WDFY3: variants seen among roughly 807,000 people sequenced by gnomAD.
WDFY3 encodes WD repeat and FYVE domain containing 3.
Under a neutral mutation model 409.6 loss-of-function variants are expected in WDFY3, and 66 were observed. The observed-to-expected ratio is 0.16, with a 90% confidence interval of 0.13 to 0.20. The LOEUF (loss-of-function observed/expected upper bound fraction) is 0.20, where lower values mean the gene tolerates loss of function less well. Among genes scored for constraint, WDFY3 ranks in the 10% least tolerant of loss-of-function variants. The probability of loss-of-function intolerance (pLI) is 1.00; values close to 1 mark genes in which losing one functional copy is unlikely to be tolerated. For missense variants in WDFY3, 3,031 were observed against 4,298.1 expected (o/e 0.71, Z 8.24); for synonymous variants, 1,521 against 1,537.1 (o/e 0.99, Z 0.25).
chr4:84,907,765 A>G (rs1299644502), intron 2 of WDFY3, among the ~76,000 whole-genome samples: 1 of 152,172 alleles, frequency 6.6e-6, no homozygotes, highest in Non-Finnish European at 1.5e-5. Flanking sequence ...ACCAGGCCCT[A>G]CAGACACAGG....
At chr4:84,909,029 T>C (rs1052320430) in intron 2 of WDFY3, among the ~76,000 whole-genome samples, 8 of 149,822 alleles carry the variant, frequency 5.3e-5, no homozygotes, top group Admixed American at 2.7e-4. Context: ...CACGTATCCA[T>C]ACACACACAC....
intron 25 of WDFY3, among the ~76,000 whole-genome samples, chr4:84,781,394 T>G (rs1288295222): frequency 6.8e-6 from 1 of 146,168 alleles, no homozygotes; most frequent in African/African-American, 2.5e-5. Flanking sequence ...TCCCTTTTGT[T>G]TTTTTTTTTT....
chr4:84,673,665 A>G (rs1209419108), intron 67 of WDFY3, among the ~76,000 whole-genome samples: 1 of 152,152 alleles, frequency 6.6e-6, no homozygotes, highest in Non-Finnish European at 1.5e-5. Flanking sequence ...GAGATGTTCA[A>G]ATTCTTTAAG....
intron 6 of WDFY3, among the ~76,000 whole-genome samples, chr4:84,839,934 G>T (rs1302863300): frequency 6.6e-6 from 1 of 152,058 alleles, no homozygotes; most frequent in Non-Finnish European, 1.5e-5. Flanking sequence ...TCATTCCGAG[G>T]ACAAAATTCT....
rs184736888 is a variant in WDFY3, at chr4:84,950,544, C to A, written c.-226+15665G>T. ...AGGTGGCTCACACCTGTAATCTCAG[C>A]ACTTTGGGAGGCCAAGGCGGGTGGA... On this transcript the variant is annotated intron_variant, in intron 1 of 67. Transcript: ENST00000295888. 5.6e-3 allele frequency among the ~76,000 whole-genome samples: 847 copies of A among 152,210 alleles called. 10 individuals are homozygous for A. Among genetic ancestry groups the A allele is most frequent in the African/African-American group, 0.019 (797 of 41,534 alleles).
intron 56 of WDFY3, among the ~76,000 whole-genome samples, chr4:84,699,860 G>C (rs555292119): frequency 6.6e-6 from 1 of 151,338 alleles, no homozygotes; most frequent in Non-Finnish European, 1.5e-5. Context: ...TAACTTATTT[G>C]GGAAATTGTC....
In WDFY3 at chr4:84,809,880, G is replaced by C; in HGVS notation, c.2345+7C>G. The C allele has an allele frequency of 6.2e-7, 1 of 1,613,050 alleles. No individual in the cohort carries two copies. Among genetic ancestry groups the C allele is most frequent in the Non-Finnish European group, 8.5e-7 (1 of 1,179,362 alleles). On this transcript the variant is annotated splice_region_variant and intron_variant, in intron 14 of 67. Coordinates refer to ENST00000295888, the MANE Select transcript of WDFY3 (RefSeq NM_014991.6). ...CCTTTAATTCAGAGGACAGAGCAGA[G>C]CCATACCTGTCAAAAGAATCTGTGG...
At chr4:84,942,243 T>C (rs1337001905) in intron 1 of WDFY3, among the ~76,000 whole-genome samples, 3 of 152,030 alleles carry the variant, frequency 2.0e-5, no homozygotes, top group Non-Finnish European at 4.4e-5. Context: ...AACACAGTGT[T>C]ATAAAAATGA....
At position 84,774,927 on chromosome 4, in the gene WDFY3, C is replaced by T. The variant is rs748234317; in HGVS notation, c.4647G>A (p.Leu1549=). Residue 1549 remains leucine, a synonymous_variant, in exon 29 of 68, where the codon CTG becomes CTA. Transcript: ENST00000295888. The part of the protein sequence containing the change: ...LMREFQLIPK[L]LLTLRDMSLS... The stretch of plus-strand genomic sequence containing the variant: ...AAGACATATCTCGAAGAGTCAGGAG[C>T]AGCTTTGGGATTAACTGGAATTCTC... 6 of 1,613,978 alleles carry T rather than the reference C, an allele frequency of 3.7e-6. No homozygotes were observed. Among genetic ancestry groups the T allele is most frequent in the Non-Finnish European group, 4.2e-6 (5 of 1,179,920 alleles).
At chr4:84,679,806 C>T (rs1192316704) in intron 64 of WDFY3, among the ~76,000 whole-genome samples, 2 of 149,766 alleles carry the variant, frequency 1.3e-5, no homozygotes, top group East Asian at 2.0e-4. Flanking sequence ...TAAATGATTA[C>T]TTTTGGATAT....
At position 84,772,818 on chromosome 4, in the gene WDFY3, C is replaced by T. The variant is rs775966205; in HGVS notation, c.4849+17G>A. 2 of 1,598,758 alleles carry T rather than the reference C, an allele frequency of 1.3e-6. No individual in the cohort carries two copies. Among genetic ancestry groups the T allele is most frequent in the East Asian group, 2.3e-5 (1 of 44,368 alleles). On this transcript the variant is annotated intron_variant, in intron 30 of 67. Coordinates refer to ENST00000295888, the MANE Select transcript of WDFY3 (RefSeq NM_014991.6). ...TTAGTTGACCACTATCTTCTCCAAG[C>T]TCCAGAATCAACTTACCAGTGTCAA...
chr4:84,885,814 G>C (rs1406677162), intron 3 of WDFY3, among the ~76,000 whole-genome samples: 1 of 152,150 alleles, frequency 6.6e-6, no homozygotes, highest in Admixed American at 6.6e-5. Flanking sequence ...GTGAGAAAAT[G>C]AACTGGATCT....
intron 3 of WDFY3, among the ~76,000 whole-genome samples, chr4:84,862,881 CT>C (rs1760852811): frequency 6.6e-6 from 1 of 152,172 alleles, no homozygotes; most frequent in Non-Finnish European, 1.5e-5. Context: ...TCTCCAGCCC[CT>C]GGCACCCACC....
intron 56 of WDFY3, 65 bp downstream of exon 56, chr4:84,702,288 G>A: frequency 6.8e-7 from 1 of 1,466,588 alleles, no homozygotes; most frequent in East Asian, 2.4e-5. Context: ...CTTCAGAGAA[G>A]TGACTTATTT....
intron 30 of WDFY3, among the ~76,000 whole-genome samples, chr4:84,768,097 A>AAAAAG (rs1229983770): frequency 6.6e-6 from 1 of 152,198 alleles, no homozygotes; most frequent in Non-Finnish European, 1.5e-5. Flanking sequence ...ACAAATAGAC[A>AAAAAG]AAAAGAAAAA....
At chr4:84,876,800 T>G (rs778588902) in intron 3 of WDFY3, among the ~76,000 whole-genome samples, 1 of 151,316 alleles carries the variant, frequency 6.6e-6, no homozygotes, top group African/African-American at 2.4e-5. Flanking sequence ...AAAACTTACA[T>G]ATTACAACAT....
chr4:84,700,939 G>A (rs781299736), intron 56 of WDFY3, among the ~76,000 whole-genome samples: 24 of 152,106 alleles, frequency 1.6e-4, no homozygotes, highest in Non-Finnish European at 3.2e-4. Context: ...GGGAAACCCC[G>A]TCTCTACTAA....
chr4:84,744,586 G>A (rs1029458935), intron 36 of WDFY3, among the ~76,000 whole-genome samples: 1 of 152,008 alleles, frequency 6.6e-6, no homozygotes, highest in African/African-American at 2.4e-5. Flanking sequence ...GGGCGCGGTG[G>A]CTCACGCCTG....
intron 16 of WDFY3, 149 bp from the exon 17 acceptor site, chr4:84,802,013 TCTCGC>T: frequency 2.8e-6 from 2 of 722,004 alleles, no homozygotes; most frequent in Non-Finnish European, 4.4e-6. Context: ...AATGGTGTGA[TCTCGC>T]CTCATTGCAA....
Sources: gnomAD v4.1 joint callset for allele counts (sites outside exome capture counted in the v4.1 genomes callset) on GRCh38, gnomAD v4.1.1 for gene constraint, MANE v1.5 for transcripts, NCBI Gene and HGNC (gene_info 2026-07-23, HGNC 2026-07-21) for gene names.